The following NLRP1 variants were observed in gnomAD, a reference collection of about 807,000 sequenced individuals.
NLRP1 encodes the protein NLR family pyrin domain containing 1.
A neutral mutation model predicts 136.7 loss-of-function variants in NLRP1; 94 were observed. The observed-to-expected ratio is 0.69, with a 90% CI of 0.58 to 0.82. NLRP1 has a LOEUF of 0.82. Among genes scored for constraint, NLRP1 ranks in the 40% least tolerant of loss-of-function variants. The probability of loss-of-function intolerance (pLI) is 0.00; values close to 1 mark genes in which losing one functional copy is unlikely to be tolerated. For synonymous variants in NLRP1, 690 were observed against 725.1 expected (o/e 0.95, Z 0.78); for missense variants, 1,575 against 1,802.7 (o/e 0.87, Z 2.29).
intron 16 of NLRP1, 81 bp from the exon 17 acceptor site, chr17:5,515,154 C>T: frequency 1.6e-6 from 2 of 1,284,924 alleles, no homozygotes; most frequent in Non-Finnish European, 2.2e-6. Flanking sequence ...CTCATCTCTG[C>T]ATCCCTCGCT....
At chr17:5,532,799 A>G in intron 11 of NLRP1, 23 bp downstream of exon 11, 1 of 1,569,576 alleles carries the variant, frequency 6.4e-7, no homozygotes. Flanking sequence ...CCAGCCTGGG[A>G]CCAGCAGAGC....
chr17:5,569,946 A>G (rs1021328775), intron 3 of NLRP1, among the ~76,000 whole-genome samples: 1 of 152,182 alleles, frequency 6.6e-6, no homozygotes, highest in Non-Finnish European at 1.5e-5. Flanking sequence ...ATTAAAAAAA[A>G]TCAATACTAA....
At position 5,559,518 on chromosome 17, in the gene NLRP1, G is replaced by T. The variant is rs374275318; in HGVS notation, c.1178C>A (p.Ala393Asp). The change falls in exon 4 of 17, where the codon GCT becomes GAT. Residue 393 changes from alanine to aspartate, a missense_variant. Ala to Asp is a moderately radical substitution (Grantham distance 126, BLOSUM62 -2). Coordinates refer to ENST00000572272, the MANE Select transcript of NLRP1 (RefSeq NM_033004.4). ...CCTAGACAGGATCTGTCTAATGGGA[G>T]CCGGAGTGGCTGTCCCATCTTTTCC... ...LIGKDGTATP[A>D]PIRQILSRPE... is the part of the protein sequence containing the mutation. The T allele has an allele frequency of 6.2e-7, 1 of 1,614,064 alleles. No homozygotes were observed. Among genetic ancestry groups the T allele is most frequent in the Non-Finnish European group, 8.5e-7 (1 of 1,180,012 alleles).
intron 5 of NLRP1, among the ~76,000 whole-genome samples, chr17:5,545,477 GACAC>G (rs147231814): frequency 4.3e-5 from 5 of 115,320 alleles, no homozygotes; most frequent in South Asian, 5.5e-4. Context: ...CACACACACA[GACAC>G]ACACACACAG....
Position 5,558,609 on chromosome 17 carries a change from T to C in NLRP1, c.2087A>G (p.Gln696Arg). ...GACCCACTGCATCAGGTTCCTCCCC[T>C]GAGACAGCCGGCAGTGAAAGATGTT... ...MENIFHCRLS[Q>R]GRNLMQWVPS... The change falls in exon 4 of 17, where the codon CAG becomes CGG. Residue 696 changes from glutamine (Q) to arginine (R), a missense_variant. Gln to Arg is a conservative substitution (Grantham distance 43, BLOSUM62 1). Transcript: ENST00000572272. 1 of 1,614,100 alleles carries C rather than the reference T, an allele frequency of 6.2e-7. No homozygotes were observed. The highest frequency in any genetic ancestry group is 8.5e-7 in the Non-Finnish European group (1 of 1,179,992).
At chr17:5,576,908 C>G (rs1905082707) in intron 3 of NLRP1, among the ~76,000 whole-genome samples, 1 of 152,170 alleles carries the variant, frequency 6.6e-6, no homozygotes, top group Non-Finnish European at 1.5e-5. Flanking sequence ...AAAAGCTTAT[C>G]CAGCATGATC....
chr17:5,533,834 C>G (rs1477717420), intron 9 of NLRP1, 63 bp downstream of exon 9: 1 of 1,099,184 alleles, frequency 9.1e-7, no homozygotes, highest in Admixed American at 1.9e-5. Context: ...AGGGAATGAC[C>G]TCCCACAGCT....
intron 15 of NLRP1, chr17:5,503,865 C>A (rs1351749289): frequency 6.6e-6 from 1 of 152,272 alleles, no homozygotes; most frequent in African/African-American, 2.4e-5. Flanking sequence ...CAAAGGCTAC[C>A]TTTAGCTCCT....
intron 4 of NLRP1, 141 bp from the exon 5 acceptor site, chr17:5,553,697 C>T: frequency 1.6e-6 from 1 of 607,508 alleles, no homozygotes; most frequent in Non-Finnish European, 2.7e-6. Context: ...TACTGACCAG[C>T]CCTCCCTGCC....
At chr17:5,546,751 G>C (rs1186942248) in intron 5 of NLRP1, among the ~76,000 whole-genome samples, 13 of 152,152 alleles carry the variant, frequency 8.5e-5, no homozygotes, top group Admixed American at 7.9e-4. Flanking sequence ...GGGCGAGGAG[G>C]GGGAGGAAAT....
chr17:5,553,607 T>C (rs766129543), intron 4 of NLRP1, 51 bp from the exon 5 acceptor site: 2 of 1,543,778 alleles, frequency 1.3e-6, no homozygotes, highest in South Asian at 2.4e-5. Flanking sequence ...TGGCAGGGGT[T>C]TGAGGTGCCC....
At chr17:5,544,803 T>A (rs1912356537) in intron 5 of NLRP1, among the ~76,000 whole-genome samples, 1 of 152,056 alleles carries the variant, frequency 6.6e-6, no homozygotes, top group Non-Finnish European at 1.5e-5. Context: ...ACAGTTTGTT[T>A]TTAGTTAGGG....
chr17:5,521,750 T>G lies in NLRP1; in HGVS notation c.3557A>C (p.His1186Pro). ...CAGGAGCATCCCCTCCTCTTTAAAG[T>G]GGGCCATTTGGAACAGGGATGTGTC... Reference protein sequence around the residue: ...HVDTSLFQMAHFKEEGMLLEK... With the variant: ...HVDTSLFQMAPFKEEGMLLEK... Residue 1186 changes from histidine to proline, a missense_variant, in exon 13 of 17, where the codon CAC becomes CCC. His to Pro is a moderately conservative substitution (Grantham distance 77, BLOSUM62 -2). Transcript: ENST00000572272. The G allele has an allele frequency of 6.2e-7, 1 of 1,612,442 alleles. No homozygotes were observed. Among genetic ancestry groups the G allele is most frequent in the Non-Finnish European group, 8.5e-7 (1 of 1,179,670 alleles).
At chr17:5,529,481 C>T (rs2151752956) in intron 12 of NLRP1, among the ~76,000 whole-genome samples, 1 of 151,962 alleles carries the variant, frequency 6.6e-6, no homozygotes, top group East Asian at 1.9e-4. Flanking sequence ...CATTCTCCTG[C>T]CTCAGCCTTC....
downstream of NLRP1, among the ~76,000 whole-genome samples, chr17:5,513,054 T>C (rs1264532782): frequency 6.6e-6 from 1 of 152,230 alleles, no homozygotes; most frequent in African/African-American, 2.4e-5. Flanking sequence ...GCGTGTCAGA[T>C]TGCCACCACT....
chr17:5,533,032 C>T, intron 10 of NLRP1, 48 bp from the exon 11 acceptor site: 1 of 1,558,022 alleles, frequency 6.4e-7, no homozygotes, highest in African/African-American at 1.4e-5. Flanking sequence ...CGCCTGGCCT[C>T]CCCTAGCCCC....
chr17:5,522,831 A>G (rs1218848394), intron 12 of NLRP1, among the ~76,000 whole-genome samples: 1 of 152,172 alleles, frequency 6.6e-6, no homozygotes, highest in African/African-American at 2.4e-5. Flanking sequence ...AGGTTTGACT[A>G]GGCAGGTAGA....
intron 9 of NLRP1, among the ~76,000 whole-genome samples, 192 bp from the exon 10 acceptor site, chr17:5,533,576 T>TC (rs1910619019): frequency 7.5e-5 from 10 of 133,446 alleles, no homozygotes; most frequent in Admixed American, 5.5e-4. Flanking sequence ...TTTTTTTTTT[T>TC]AGATGGCAGG....
chr17:5,535,705 T>C (rs897119498), intron 8 of NLRP1, among the ~76,000 whole-genome samples: 12 of 152,228 alleles, frequency 7.9e-5, no homozygotes, highest in African/African-American at 2.9e-4. Flanking sequence ...GGAATGTTTG[T>C]TCAATGAATA....
Sources: allele counts gnomAD v4.1 joint callset (sites outside exome capture counted in the v4.1 genomes callset), GRCh38; gene constraint gnomAD v4.1.1; transcripts MANE v1.5; gene names NCBI Gene and HGNC (gene_info 2026-07-23, HGNC 2026-07-21).